CCSER1: variants seen among roughly 807,000 people sequenced by gnomAD.
CCSER1 encodes serine-rich coiled-coil domain-containing protein 1.
A neutral mutation model predicts 82.0 loss-of-function variants in CCSER1; 41 were observed. That is an observed-to-expected ratio of 0.50 (90% confidence interval 0.39 to 0.65). The LOEUF is 0.65. CCSER1 is among the 30% of genes least tolerant of loss of function. The pLI is 0.00. For missense variants in CCSER1, 1,119 were observed against 1,064.2 expected (o/e 1.05, Z -0.72); for synonymous variants, 414 against 383.9 (o/e 1.08, Z -0.92).
At chr4:91,192,511 T>C (rs1450836385) in intron 10 of CCSER1, among the ~76,000 whole-genome samples, 1 of 152,196 alleles carries the variant, frequency 6.6e-6, no homozygotes, top group Admixed American at 6.5e-5. Flanking sequence ...CTTGATGTTA[T>C]GTTCTCATTT....
At chr4:90,996,543 T>G (rs1002204084) in intron 9 of CCSER1, among the ~76,000 whole-genome samples, 3 of 152,138 alleles carry the variant, frequency 2.0e-5, no homozygotes, top group Non-Finnish European at 2.9e-5. Flanking sequence ...TCTAATTGAT[T>G]AGCTGAGGGA....
chr4:90,961,789 G>T, intron 9 of CCSER1, among the ~76,000 whole-genome samples: 1 of 151,898 alleles, frequency 6.6e-6, no homozygotes, highest in Admixed American at 6.6e-5. Context: ...ATTCTTAATA[G>T]GCTTCAATGT....
intron 6 of CCSER1, among the ~76,000 whole-genome samples, chr4:90,633,124 C>T (rs1370247629): frequency 6.6e-6 from 1 of 151,930 alleles, no homozygotes; most frequent in African/African-American, 2.4e-5. Context: ...TGAACTTGTA[C>T]CTTGTTATAT....
intron 10 of CCSER1, among the ~76,000 whole-genome samples, chr4:91,597,930 C>A (rs111399726): frequency 6.1e-4 from 93 of 152,230 alleles, no homozygotes; most frequent in African/African-American, 2.2e-3. Context: ...CTAGAGTATA[C>A]AATTCTTATG....
At chr4:90,272,176 G>A (rs1339135277) in intron 1 of CCSER1, among the ~76,000 whole-genome samples, 1 of 151,902 alleles carries the variant, frequency 6.6e-6, no homozygotes, top group Non-Finnish European at 1.5e-5. Flanking sequence ...TGGGGACACA[G>A]CCAAACCGTA....
chr4:90,495,112 G>T (rs1309539447), intron 5 of CCSER1, among the ~76,000 whole-genome samples: 2 of 152,004 alleles, frequency 1.3e-5, no homozygotes, highest in African/African-American at 4.8e-5. Flanking sequence ...TATTTTCACA[G>T]TTCTTGTCTA....
chr4:91,184,407 A>T (rs900507599), intron 10 of CCSER1, among the ~76,000 whole-genome samples: 1 of 152,196 alleles, frequency 6.6e-6, no homozygotes, highest in Non-Finnish European at 1.5e-5. Context: ...TTAAAGGCCA[A>T]TTTTTTGGAA....
intron 10 of CCSER1, among the ~76,000 whole-genome samples, chr4:91,103,061 G>C (rs575973094): frequency 6.6e-6 from 1 of 152,002 alleles, no homozygotes; most frequent in Non-Finnish European, 1.5e-5. Flanking sequence ...GCTGTGTAAC[G>C]TATTTAGTTC....
chr4:91,132,044 A>C (rs965219550), intron 10 of CCSER1, among the ~76,000 whole-genome samples: 1 of 152,114 alleles, frequency 6.6e-6, no homozygotes, highest in African/African-American at 2.4e-5. Flanking sequence ...CAGCATAGCT[A>C]GATTTAGAAT....
intron 5 of CCSER1, among the ~76,000 whole-genome samples, chr4:90,487,335 T>A (rs910416673): frequency 6.6e-6 from 1 of 152,236 alleles, no homozygotes; most frequent in African/African-American, 2.4e-5. Flanking sequence ...CTGACTTAGA[T>A]CATGCACAGA....
chr4:90,317,505 C>G (rs759827852), intron 3 of CCSER1, among the ~76,000 whole-genome samples: 3 of 152,204 alleles, frequency 2.0e-5, no homozygotes, highest in East Asian at 3.9e-4. Context: ...GCCTGTAATC[C>G]CAGCTACTCG....
chr4:90,548,031 A>C (rs1221892709), intron 5 of CCSER1, among the ~76,000 whole-genome samples: 1 of 152,166 alleles, frequency 6.6e-6, no homozygotes, highest in East Asian at 1.9e-4. Flanking sequence ...GGTAATGAGC[A>C]AGGCTAAGCC....
chr4:90,618,913 A>C (rs17838995), intron 5 of CCSER1, among the ~76,000 whole-genome samples: 1 of 151,854 alleles, frequency 6.6e-6, no homozygotes, highest in Non-Finnish European at 1.5e-5. Context: ...TCCACTAAAC[A>C]TATTTCAAAT....
intron 10 of CCSER1, among the ~76,000 whole-genome samples, chr4:91,136,899 G>T (rs1025828945): frequency 6.6e-6 from 1 of 151,730 alleles, no homozygotes; most frequent in East Asian, 1.9e-4. Context: ...GAAATAATTT[G>T]ATTTTATAAT....
chr4:91,384,423 A>G (rs1260864781), intron 10 of CCSER1, among the ~76,000 whole-genome samples: 2 of 5,756 alleles, frequency 3.5e-4, no homozygotes, highest in East Asian at 0.038. Context: ...ATGCAACATG[A>G]TATTAGATTT....
chr4:91,352,432 G>C (rs1412704274), intron 10 of CCSER1, among the ~76,000 whole-genome samples: 1 of 152,102 alleles, frequency 6.6e-6, no homozygotes, highest in African/African-American at 2.4e-5. Flanking sequence ...AATTTTAGTA[G>C]AGACAGCGTT....
chr4:91,234,802 C>G (rs545263791), intron 10 of CCSER1, among the ~76,000 whole-genome samples: 2 of 152,094 alleles, frequency 1.3e-5, no homozygotes, highest in East Asian at 3.9e-4. Context: ...CTACATGTTC[C>G]CATTTCTTTG....
At chr4:91,503,011 T>A (rs777148391) in intron 10 of CCSER1, among the ~76,000 whole-genome samples, 71 of 151,446 alleles carry the variant, frequency 4.7e-4, no homozygotes, top group African/African-American at 1.1e-3. Flanking sequence ...CTAAAAAAAA[T>A]TTTACTTTTA....
Position 91,136,422 on chromosome 4 carries a change from G to C in CCSER1, c.2217+50428G>C, listed in dbSNP as rs1374398105. ...TTTAATTGCCTGTTTACTTTGCTGT[G>C]TTATCATCAACCTGTGAGCATCTGT... On this transcript the variant is annotated intron_variant, in intron 10 of 10. Transcript: ENST00000509176. Among the ~76,000 whole-genome samples, 7 of 152,222 alleles carry C rather than the reference G, an allele frequency of 4.6e-5. No individual in the cohort carries two copies. In the South Asian group the frequency reaches 1.5e-3, roughly 32 times the overall value.
Sources: gnomAD v4.1 joint callset for allele counts (sites outside exome capture counted in the v4.1 genomes callset) on GRCh38, gnomAD v4.1.1 for gene constraint, MANE v1.5 for transcripts, NCBI Gene and HGNC (gene_info 2026-07-23, HGNC 2026-07-21) for gene names.